The following ZNF771 variants were observed in gnomAD, a reference collection of about 807,000 sequenced individuals.
ZNF771 encodes the protein mesenchymal stem cell protein DSC43.
A neutral mutation model predicts 27.6 loss-of-function variants in ZNF771; 10 were observed. The observed-to-expected ratio is 0.36, with a 90% CI of 0.22 to 0.61. The LOEUF is 0.61. Among genes scored for constraint, ZNF771 ranks in the 20% least tolerant of loss-of-function variants. ZNF771 has a pLI of 0.70. For missense variants in ZNF771, 438 were observed against 503.7 expected (o/e 0.87, Z 1.25); for synonymous variants, 261 against 225.2 (o/e 1.16, Z -1.43).
At chr16:30,414,607 C>T (rs2050123500) in intron 2 of ZNF771, 1 of 152,094 alleles carries the variant, frequency 6.6e-6, no homozygotes, top group Non-Finnish European at 1.5e-5. Context: ...CTATTTAAAC[C>T]AGATTTCTCT....
At position 30,417,681 on chromosome 16, in the gene ZNF771, C is replaced by A; in HGVS notation, c.268C>A (p.Pro90Thr). The change falls in exon 3 of 3, where the codon CCC becomes ACC. Residue 90 changes from proline (P) to threonine (T), a missense_variant. Around this residue, in one of 3 missense-constraint regions of ZNF771, gnomAD observed 49 missense variants for 106.5 expected, o/e 0.46. Coordinates refer to ENST00000319296, the MANE Select transcript of ZNF771 (RefSeq NM_001142305.2). ...KHARTHTGER[P>T]FGCTECGRRF... ...CGCGCGCACGCACACGGGCGAACGG[C>A]CCTTCGGGTGCACCGAGTGCGGGCG... The A allele has an allele frequency of 7.2e-7, 1 of 1,396,590 alleles. No homozygotes were observed. Among genetic ancestry groups the A allele is most frequent in the Non-Finnish European group, 9.3e-7 (1 of 1,079,592 alleles). The allele number at this position is 1,396,590 out of a possible 1,614,324, so 86.5% of individuals were successfully genotyped here.
At chr16:30,415,043 T>A (rs1201779950) in intron 2 of ZNF771, among the ~76,000 whole-genome samples, 5 of 130,690 alleles carry the variant, frequency 3.8e-5, no homozygotes. Context: ...CTGCAACCTC[T>A]GCCTCCCGGG....
At chr16:30,407,836 G>A (rs1242243446) in intron 1 of ZNF771, among the ~76,000 whole-genome samples, 172 bp downstream of exon 1, 1 of 151,952 alleles carries the variant, frequency 6.6e-6, no homozygotes, top group Admixed American at 6.6e-5. Flanking sequence ...TGGGATGAGT[G>A]GGGTGAACGC....
At chr16:30,408,973 ATT>A (rs371238671) in intron 2 of ZNF771, among the ~76,000 whole-genome samples, 1 of 148,642 alleles carries the variant, frequency 6.7e-6, no homozygotes, top group South Asian at 2.1e-4. Context: ...CACCTGGCTA[ATT>A]TTTTTTTGTT....
chr16:30,412,430 G>A (rs4232893), intron 2 of ZNF771, among the ~76,000 whole-genome samples: 122,814 of 152,190 alleles, frequency 0.81, 50,266 homozygotes, highest in East Asian at 1. Context: ...GACTGTGACC[G>A]CAAAAAGGGG....
At chr16:30,408,736 T>A (rs1399957079) in intron 2 of ZNF771, among the ~76,000 whole-genome samples, 1 of 152,186 alleles carries the variant, frequency 6.6e-6, no homozygotes, top group African/African-American at 2.4e-5. Flanking sequence ...AGTAAAAGGA[T>A]GGCTTATGTG....
Position 30,417,695 on chromosome 16 carries a change from C to A in ZNF771, c.282C>A (p.Thr94=). Residue 94 remains threonine (T), a synonymous_variant, in exon 3 of 3, where the codon ACC becomes ACA. Transcript: ENST00000319296. The part of the protein sequence containing the change: ...THTGERPFGC[T]ECGRRFSQKS... The stretch of plus-strand genomic sequence containing the variant: ...CGGGCGAACGGCCCTTCGGGTGCAC[C>A]GAGTGCGGGCGGCGCTTCTCACAGA... 7.2e-7 allele frequency: 1 copy of A among 1,394,600 alleles called. No homozygotes were observed. Among genetic ancestry groups the A allele is most frequent in the Non-Finnish European group, 9.3e-7 (1 of 1,077,782 alleles). 86.4% of individuals were successfully genotyped at this position (1,394,600 alleles called of 1,614,324 possible). A position where few individuals can be genotyped will look rare whatever the true frequency, so the allele number is the denominator to read the frequency against.
chr16:30,408,294 G>A lies in ZNF771; in HGVS notation c.141+100G>A. On this transcript the variant is annotated intron_variant, in intron 2 of 2. Transcript: ENST00000319296. ...AGGGATCTTGCCCCTACTTTTCCCAGAATCTCGGATCTAAAACCTCAGGAT... is the reference window on the plus strand; with the variant it reads ...AGGGATCTTGCCCCTACTTTTCCCAAAATCTCGGATCTAAAACCTCAGGAT... 3 of 1,537,262 alleles carry A rather than the reference G, an allele frequency of 2.0e-6. No homozygotes were observed. The South Asian group carries it at 3.5e-5, about 18-fold the overall frequency.
Position 30,418,702 on chromosome 16 carries a change from TA to T in ZNF771, c.*339del. 1 of 313,158 alleles carries T rather than the reference TA, an allele frequency of 3.2e-6. No individual in the cohort carries two copies. Among genetic ancestry groups the T allele is most frequent in the Non-Finnish European group, 5.8e-6 (1 of 172,066 alleles). The allele number at this position is 313,158 out of a possible 1,614,324, so 19.4% of individuals were successfully genotyped here. On this transcript the variant is annotated 3_prime_UTR_variant, in exon 3 of 3. Coordinates refer to ENST00000319296, the MANE Select transcript of ZNF771 (RefSeq NM_001142305.2). ...AAGGAACCAAATGGGGATGTAAACC[TA>T]AAAGGGGTTCCCGGCACCTCGGTTT...
At position 30,418,533 on chromosome 16, in the gene ZNF771, G is replaced by C. The variant is rs952136383; in HGVS notation, c.*166G>C. On this transcript the variant is annotated 3_prime_UTR_variant, in exon 3 of 3. Transcript: ENST00000319296. The stretch of plus-strand genomic sequence containing the variant: ...TCCCCTGCCGGGGTCCCTGGAAACA[G>C]TGCCCACCCCACATCACTACATTCC... 6.5e-6 allele frequency: 4 copies of C among 615,146 alleles called. No homozygotes were observed. The highest frequency in any genetic ancestry group is 1.0e-5 in the Non-Finnish European group (4 of 387,002). The allele number at this position is 615,146 out of a possible 1,614,324, so 38.1% of individuals were successfully genotyped here.
At chr16:30,412,027 C>T (rs1245750211) in intron 2 of ZNF771, among the ~76,000 whole-genome samples, 1 of 152,130 alleles carries the variant, frequency 6.6e-6, no homozygotes, top group Non-Finnish European at 1.5e-5. Context: ...TTCTGTTTCC[C>T]TCAGGGTGAG....
chr16:30,410,830 G>A (rs768470790), intron 2 of ZNF771, among the ~76,000 whole-genome samples: 2 of 139,062 alleles, frequency 1.4e-5, no homozygotes, highest in Middle Eastern at 3.5e-3. Context: ...TTCCTCCCTG[G>A]GCAACATAGG....
intron 2 of ZNF771, chr16:30,413,568 T>G (rs75042852): frequency 7.6e-4 from 6 of 7,892 alleles, no homozygotes; most frequent in Non-Finnish European, 1.9e-3. Flanking sequence ...AAATTTTGGG[T>G]TTTTTTTTCT....
rs764818409 is a variant in ZNF771 at position 30,417,816 on chromosome 16, C to A, written c.403C>A (p.Arg135=). 2.7e-6 allele frequency: 4 copies of A among 1,493,966 alleles called. No homozygotes were observed. In the African/African-American group the frequency reaches 5.9e-5, roughly 22 times the overall value. The allele number at this position is 1,493,966 out of a possible 1,614,324, so 92.5% of individuals were successfully genotyped here. The part of the protein sequence containing the change: ...DKRFSAASNL[R]QHRRRHTGEK... ...ACGCTTCTCGGCCGCCTCGAACCTG[C>A]GGCAGCACCGGCGGCGGCACACGGG... Residue 135 remains arginine, a synonymous_variant, in exon 3 of 3, where the codon CGG becomes AGG. Coordinates refer to ENST00000319296, the MANE Select transcript of ZNF771 (RefSeq NM_001142305.2).
chr16:30,412,821 G>A (rs1178364667), intron 2 of ZNF771, among the ~76,000 whole-genome samples: 3 of 151,956 alleles, frequency 2.0e-5, no homozygotes, highest in Admixed American at 6.6e-5. Flanking sequence ...AAAAAGAATT[G>A]CATCATGGTT....
Position 30,417,619 on chromosome 16 carries a change from GC to G in ZNF771, c.208del (p.Arg70AlafsTer37). On this transcript the variant is annotated frameshift_variant, in exon 3 of 3. Coordinates refer to ENST00000319296, the MANE Select transcript of ZNF771 (RefSeq NM_001142305.2). LOFTEE classifies it high-confidence loss of function. Reference sequence around the variant, plus strand: ...CGTCCCCACGCGTGCCCCGACTGCGGCCGCGCCTTCGCGCGCCGCTCCACGC... The same window carrying G: ...CGTCCCCACGCGTGCCCCGACTGCGGCGCGCCTTCGCGCGCCGCTCCACGC... ...PARPHACPDC[G>X]RAFARRSTLA... 7.6e-7 allele frequency: 1 copy of G among 1,321,736 alleles called. No individual in the cohort carries two copies. Among genetic ancestry groups the G allele is most frequent in the African/African-American group, 1.5e-5 (1 of 64,760 alleles). 81.9% of individuals were successfully genotyped at this position (1,321,736 alleles called of 1,614,324 possible).
Position 30,418,193 on chromosome 16 carries a change from C to T in ZNF771, c.780C>T (p.Pro260=), listed in dbSNP as rs1244457261. The change falls in exon 3 of 3, where the codon CCC becomes CCT. Residue 260 remains proline (P), a synonymous_variant. Transcript: ENST00000319296. The stretch of plus-strand genomic sequence containing the variant: ...CGCACACAGGCGAGCGGCCCTACCC[C>T]TGCGCCGAGTGCGGCCGCCGCTTCC... The part of the protein sequence containing the change: ...ARTHTGERPY[P]CAECGRRFRL... 3 of 1,505,102 alleles carry T rather than the reference C, an allele frequency of 2.0e-6. No homozygotes were observed. The highest frequency in any genetic ancestry group is 1.8e-6 in the Non-Finnish European group (2 of 1,133,820). The allele number at this position is 1,505,102 out of a possible 1,614,324, so 93.2% of individuals were successfully genotyped here.
At position 30,418,983 on chromosome 16, in the gene ZNF771, C is replaced by T. The variant is rs552479293; in HGVS notation, c.*616C>T. 6.6e-5 allele frequency: 10 copies of T among 152,412 alleles called. 2 individuals are homozygous for T. Among genetic ancestry groups the T allele is most frequent in the African/African-American group, 2.4e-4 (10 of 41,556 alleles). The allele number at this position is 152,412 out of a possible 1,614,324, so 9.4% of individuals were successfully genotyped here. ...GCGCACAGTGACTCACGCCTGTAAT[C>T]CCAGCACTTTGGGAGGGCGAGGCTA... On this transcript the variant is annotated 3_prime_UTR_variant, in exon 3 of 3. Coordinates refer to ENST00000319296, the MANE Select transcript of ZNF771 (RefSeq NM_001142305.2).
rs776481395 is a variant in ZNF771, at chr16:30,418,070, C to G, written c.657C>G (p.Ala219=). The G allele has an allele frequency of 1.4e-6, 2 of 1,466,674 alleles. No individual in the cohort carries two copies. Among genetic ancestry groups the G allele is most frequent in the Non-Finnish European group, 1.8e-6 (2 of 1,117,750 alleles). 90.9% of individuals were successfully genotyped at this position (1,466,674 alleles called of 1,614,324 possible). The change falls in exon 3 of 3, where the codon GCC becomes GCG. Residue 219 remains alanine, a synonymous_variant. Transcript: ENST00000319296. ...GTRFAQSSAL[A]KHRRVHTGEK... is the part of the protein sequence containing the mutation. ...GCTTCGCTCAGAGCTCGGCGCTGGC[C>G]AAGCACCGGCGCGTGCACACGGGCG...
Sources: gnomAD v4.1 joint callset for allele counts (sites outside exome capture counted in the v4.1 genomes callset) on GRCh38, gnomAD v4.1.1 for gene constraint, gnomAD v4.1.1 regional missense constraint, MANE v1.5 for transcripts, NCBI Gene and HGNC (gene_info 2026-07-23, HGNC 2026-07-21) for gene names.